Variants in CTNNA2 observed in about 807,000 individuals in gnomAD.
CTNNA2 encodes catenin alpha 2, also known as catenin alpha-2.
A neutral mutation model predicts 101.0 loss-of-function variants in CTNNA2; 42 were observed. The ratio of observed to expected loss-of-function variants is 0.42; its 90% confidence interval spans 0.32 to 0.54. The LOEUF (loss-of-function observed/expected upper bound fraction) is 0.54, where lower values mean the gene tolerates loss of function less well. Among genes scored for constraint, CTNNA2 ranks in the 20% least tolerant of loss-of-function variants. The pLI is 0.14. For missense variants in CTNNA2, 871 were observed against 1,223.1 expected (o/e 0.71, Z 4.29); for synonymous variants, 450 against 456.4 (o/e 0.99, Z 0.18).
intron 7 of CTNNA2, among the ~76,000 whole-genome samples, chr2:80,179,040 A>G (rs1291402085): frequency 6.6e-6 from 1 of 152,248 alleles, no homozygotes; most frequent in Non-Finnish European, 1.5e-5. Context: ...TCATGATACA[A>G]TGCCAGAGAG....
At position 79,809,545 on chromosome 2, in the gene CTNNA2, G is replaced by C. The variant is rs865904145; in HGVS notation, c.299-48468G>C. ...TGCATTTCTCTAATGACCAGTGATGGTGAGCTTTTTTTCATATGTTTCTTA... is the reference window on the plus strand; with the variant it reads ...TGCATTTCTCTAATGACCAGTGATGCTGAGCTTTTTTTCATATGTTTCTTA... On this transcript the variant is annotated intron_variant, in intron 3 of 18. Transcript: ENST00000402739. Among the ~76,000 whole-genome samples the C allele has an allele frequency of 2.4e-4, 36 of 152,202 alleles. No homozygotes were observed. In the Middle Eastern group the frequency reaches 0.014, roughly 58 times the overall value.
intron 2 of CTNNA2, among the ~76,000 whole-genome samples, chr2:79,655,192 A>G (rs935037040): frequency 2.6e-5 from 4 of 152,198 alleles, no homozygotes; most frequent in Non-Finnish European, 4.4e-5. Context: ...TTAAAAAGTG[A>G]GTGACCTTTT....
chr2:80,283,264 C>G (rs1200246116), intron 7 of CTNNA2, among the ~76,000 whole-genome samples: 1 of 151,932 alleles, frequency 6.6e-6, no homozygotes, highest in Admixed American at 6.6e-5. Context: ...AACTAAAGGT[C>G]AGGGTGCAGG....
intron 18 of CTNNA2, among the ~76,000 whole-genome samples, chr2:80,641,294 C>T (rs1250942047): frequency 6.6e-6 from 1 of 152,102 alleles, no homozygotes; most frequent in African/African-American, 2.4e-5. Flanking sequence ...TATTTTTAAT[C>T]CAATGACAGA....
chr2:80,581,897 C>A (rs1212046398), intron 14 of CTNNA2, 78 bp downstream of exon 14: 1 of 838,924 alleles, frequency 1.2e-6, no homozygotes, highest in Non-Finnish European at 2.0e-6. Flanking sequence ...TTTCTAAACT[C>A]CAGACACGTG....
chr2:79,581,489 T>C (rs1232930470), intron 1 of CTNNA2, among the ~76,000 whole-genome samples: 1 of 151,856 alleles, frequency 6.6e-6, no homozygotes, highest in South Asian at 2.1e-4. Context: ...GGTACCACTG[T>C]ACTCCGGCCT....
chr2:80,152,993 G>A (rs1232725007), intron 7 of CTNNA2, among the ~76,000 whole-genome samples: 1 of 152,174 alleles, frequency 6.6e-6, no homozygotes, highest in Non-Finnish European at 1.5e-5. Context: ...GATCTAAGTT[G>A]TGTTTGTAAA....
intron 4 of CTNNA2, among the ~76,000 whole-genome samples, chr2:79,455,059 G>A (rs751658552): frequency 1.3e-5 from 2 of 152,100 alleles, no homozygotes; most frequent in African/African-American, 4.8e-5. Flanking sequence ...TAGAAAAGTC[G>A]ATTTGAAAGC....
chr2:79,281,013 C>A (rs1573021570), intron 2 of CTNNA2, among the ~76,000 whole-genome samples: 1 of 152,044 alleles, frequency 6.6e-6, no homozygotes, highest in Admixed American at 6.5e-5. Context: ...AGTTCCTGCT[C>A]CTGGTTCACA....
intron 2 of CTNNA2, among the ~76,000 whole-genome samples, chr2:79,253,299 T>A (rs529840822): frequency 1.3e-5 from 2 of 152,328 alleles, no homozygotes; most frequent in Middle Eastern, 3.4e-3. Flanking sequence ...CTGAAGTTAA[T>A]GAGAAATGAG....
intron 7 of CTNNA2, chr2:80,162,551 T>G (rs2148947596): frequency 1.2e-6 from 2 of 1,607,412 alleles, no homozygotes; most frequent in East Asian, 4.5e-5. Context: ...GAAGAAATCA[T>G]CTCTTTCCTC....
intron 9 of CTNNA2, among the ~76,000 whole-genome samples, chr2:80,443,474 A>C (rs1047749911): frequency 6.6e-6 from 1 of 152,164 alleles, no homozygotes; most frequent in South Asian, 2.1e-4. Context: ...TTACCATTTA[A>C]CATTTCCTTG....
At chr2:80,626,519 G>A (rs1352405527) in intron 18 of CTNNA2, among the ~76,000 whole-genome samples, 1 of 152,072 alleles carries the variant, frequency 6.6e-6, no homozygotes, top group African/African-American at 2.4e-5. Flanking sequence ...TGCTGCAAGA[G>A]AGACTGGTAA....
chr2:79,938,770 A>G (rs1687954935), intron 7 of CTNNA2, among the ~76,000 whole-genome samples: 1 of 152,238 alleles, frequency 6.6e-6, no homozygotes, highest in Non-Finnish European at 1.5e-5. Flanking sequence ...TAATGTAGTT[A>G]CTACAAGGCT....
intron 7 of CTNNA2, chr2:80,162,923 G>C: frequency 6.4e-7 from 1 of 1,552,800 alleles, no homozygotes; most frequent in Non-Finnish European, 8.9e-7. Flanking sequence ...TGGAGGTAGG[G>C]CTTGAATTTC....
At chr2:80,377,107 G>C (rs2149342707) in intron 7 of CTNNA2, among the ~76,000 whole-genome samples, 1 of 152,286 alleles carries the variant, frequency 6.6e-6, no homozygotes, top group Non-Finnish European at 1.5e-5. Context: ...TCATATATGA[G>C]TATGTCATGA....
intron 12 of CTNNA2, among the ~76,000 whole-genome samples, chr2:80,570,855 A>G (rs997783865): frequency 6.6e-6 from 1 of 152,150 alleles, no homozygotes; most frequent in African/African-American, 2.4e-5. Context: ...CTAGAGAGAT[A>G]ATGTATGCCA....
At chr2:79,356,054 A>G (rs1677501656) in intron 3 of CTNNA2, among the ~76,000 whole-genome samples, 1 of 151,702 alleles carries the variant, frequency 6.6e-6, no homozygotes, top group Admixed American at 6.6e-5. Flanking sequence ...TTACAGTCCT[A>G]CCAGCGTATA....
intron 7 of CTNNA2, among the ~76,000 whole-genome samples, chr2:80,164,920 C>A (rs866852611): frequency 6.7e-6 from 1 of 148,622 alleles, no homozygotes. Context: ...CTTATTTGAA[C>A]AGCTTTTCCC....
Sources: gnomAD v4.1 joint callset for allele counts (sites outside exome capture counted in the v4.1 genomes callset) on GRCh38, gnomAD v4.1.1 for gene constraint, MANE v1.5 for transcripts, NCBI Gene and HGNC (gene_info 2026-07-23, HGNC 2026-07-21) for gene names.